The following GPR158 variants were observed in gnomAD, a reference collection of about 807,000 sequenced individuals.
GPR158 encodes metabotropic glycine receptor.
In GPR158, 30 loss-of-function variants were observed where a neutral mutation model predicts 78.2. The ratio of observed to expected loss-of-function variants is 0.38; its 90% confidence interval spans 0.29 to 0.52. The LOEUF (loss-of-function observed/expected upper bound fraction) is 0.52. Ranked by LOEUF, GPR158 falls within the 20% of genes least tolerant of loss-of-function variation. The probability of loss-of-function intolerance (pLI) is 0.83; values close to 1 mark genes in which losing one functional copy is unlikely to be tolerated. For synonymous variants in GPR158, 581 were observed against 591.1 expected (o/e 0.98, Z 0.25); for missense variants, 1,463 against 1,523.5 (o/e 0.96, Z 0.66).
chr10:25,252,070 T>A (rs1005046426), intron 2 of GPR158, among the ~76,000 whole-genome samples: 1 of 152,096 alleles, frequency 6.6e-6, no homozygotes, highest in African/African-American at 2.4e-5. Context: ...CATTTCATCT[T>A]CCATTGCTGA....
chr10:25,305,693 C>G (rs1459711535), intron 2 of GPR158, among the ~76,000 whole-genome samples: 1 of 152,036 alleles, frequency 6.6e-6, no homozygotes, highest in African/African-American at 2.4e-5. Flanking sequence ...TTAACTTTCC[C>G]TTGGCTGAGT....
At chr10:25,330,799 C>G (rs1215981446) in intron 2 of GPR158, among the ~76,000 whole-genome samples, 1 of 152,144 alleles carries the variant, frequency 6.6e-6, no homozygotes, top group East Asian at 1.9e-4. Flanking sequence ...CTAAGAGAAT[C>G]CAGTAGAGAG....
intron 6 of GPR158, among the ~76,000 whole-genome samples, chr10:25,565,426 T>G (rs1316600158): frequency 1.3e-5 from 2 of 152,154 alleles, no homozygotes; most frequent in Non-Finnish European, 2.9e-5. Flanking sequence ...CGGCATGGCA[T>G]TCAAAGGTAC....
chr10:25,571,133 A>G (rs1209266178), intron 6 of GPR158, among the ~76,000 whole-genome samples: 1 of 152,120 alleles, frequency 6.6e-6, no homozygotes, highest in Non-Finnish European at 1.5e-5. Flanking sequence ...TCACTATGAC[A>G]TGGATGGCAC....
chr10:25,184,860 A>G (rs953994843), intron 1 of GPR158, among the ~76,000 whole-genome samples: 2 of 152,160 alleles, frequency 1.3e-5, no homozygotes, highest in South Asian at 2.1e-4. Flanking sequence ...TTTCCCGTCA[A>G]TTGCTTGGAA....
chr10:25,189,834 ATGTGTGTGTGTGTGTGTG>A (rs56205437), intron 1 of GPR158, among the ~76,000 whole-genome samples: 3 of 120,542 alleles, frequency 2.5e-5, no homozygotes, highest in Admixed American at 1.7e-4. Context: ...AAAGGAAAGC[ATGTGTGTGTGTGTGTGTG>A]TGTGTGTGTG....
intron 2 of GPR158, among the ~76,000 whole-genome samples, chr10:25,324,102 G>GT (rs112279250): frequency 0.015 from 2,332 of 152,284 alleles, 67 homozygotes; most frequent in African/African-American, 0.053. Flanking sequence ...TGATAAGATT[G>GT]TTTTGCCTTC....
chr10:25,214,140 G>A (rs1340265999), intron 1 of GPR158, among the ~76,000 whole-genome samples: 2 of 151,820 alleles, frequency 1.3e-5, no homozygotes, highest in Admixed American at 6.6e-5. Context: ...GACTACAGGC[G>A]CCCGACACCA....
intron 2 of GPR158, among the ~76,000 whole-genome samples, chr10:25,372,373 G>T (rs1834008722): frequency 6.6e-6 from 1 of 150,552 alleles, no homozygotes; most frequent in Non-Finnish European, 1.5e-5. Context: ...TACCCAAAGG[G>T]CTGTAAATCA....
chr10:25,471,704 G>A (rs1384439279), intron 5 of GPR158, among the ~76,000 whole-genome samples: 1 of 152,162 alleles, frequency 6.6e-6, no homozygotes, highest in African/African-American at 2.4e-5. Flanking sequence ...GCATTTCTCT[G>A]ATGGCCAGTG....
chr10:25,517,907 C>T (rs1836204183), intron 5 of GPR158, among the ~76,000 whole-genome samples: 1 of 125,940 alleles, frequency 7.9e-6, no homozygotes, highest in African/African-American at 3.3e-5. Flanking sequence ...AGGGAGGATT[C>T]CCTCTTTTTC....
At chr10:25,360,722 A>G (rs999960127) in intron 2 of GPR158, among the ~76,000 whole-genome samples, 3 of 152,134 alleles carry the variant, frequency 2.0e-5, no homozygotes, top group Admixed American at 1.3e-4. Flanking sequence ...CTTTTTGCTC[A>G]GGATTGTCTT....
intron 1 of GPR158, among the ~76,000 whole-genome samples, chr10:25,189,870 GTGTA>G (rs1318366479): frequency 4.7e-5 from 7 of 148,818 alleles, no homozygotes; most frequent in African/African-American, 7.5e-5. Flanking sequence ...GTGTGTGTGT[GTGTA>G]TGTGTATGTA....
At chr10:25,402,876 A>G (rs1225057054) in intron 3 of GPR158, among the ~76,000 whole-genome samples, 1 of 151,878 alleles carries the variant, frequency 6.6e-6, no homozygotes, top group Admixed American at 6.6e-5. Context: ...CACTTACCAA[A>G]GTGAATTTAT....
rs932166849 is a variant in GPR158 at position 25,310,629 on chromosome 10, G to A, written c.1009-85282G>A. On this transcript the variant is annotated intron_variant, in intron 2 of 10. Transcript: ENST00000376351. ...TTTAAGAGCACTTTATTTATTAGGGGTGTTTGTATTTTATCTGTGAGAAAG... is the reference window on the plus strand; with the variant it reads ...TTTAAGAGCACTTTATTTATTAGGGATGTTTGTATTTTATCTGTGAGAAAG... Among the ~76,000 whole-genome samples the A allele has an allele frequency of 8.6e-5, 13 of 152,016 alleles. 1 individual carries two copies. In the East Asian group the frequency reaches 2.3e-3, roughly 27 times the overall value.
At chr10:25,283,295 A>G (rs1854301826) in intron 2 of GPR158, among the ~76,000 whole-genome samples, 1 of 151,996 alleles carries the variant, frequency 6.6e-6, no homozygotes, top group Admixed American at 6.6e-5. Context: ...AATTTTTCAT[A>G]GTATTTTCTT....
intron 5 of GPR158, among the ~76,000 whole-genome samples, chr10:25,537,795 T>A (rs562185902): frequency 3.4e-4 from 52 of 152,136 alleles, no homozygotes; most frequent in South Asian, 1.0e-3. Context: ...GATCAGGTTG[T>A]TTAAAAGTGT....
At chr10:25,389,839 T>G (rs1278277912) in intron 2 of GPR158, among the ~76,000 whole-genome samples, 1 of 152,128 alleles carries the variant, frequency 6.6e-6, no homozygotes, top group Non-Finnish European at 1.5e-5. Context: ...TTTCTTGGTG[T>G]TAGCTGTTGA....
intron 7 of GPR158, among the ~76,000 whole-genome samples, chr10:25,583,975 T>C (rs550044266): frequency 6.6e-6 from 1 of 152,304 alleles, no homozygotes; most frequent in South Asian, 2.1e-4. Context: ...GAACTTATAC[T>C]AATTTTCATT....
Sources: allele counts gnomAD v4.1 joint callset (sites outside exome capture counted in the v4.1 genomes callset), GRCh38; gene constraint gnomAD v4.1.1; transcripts MANE v1.5; gene names NCBI Gene and HGNC (gene_info 2026-07-23, HGNC 2026-07-21).